Variants in PLEKHG1 observed in about 807,000 individuals in gnomAD.
PLEKHG1 encodes pleckstrin homology and RhoGEF domain containing G1.
PLEKHG1 carries 44 observed loss-of-function variants against 100.8 expected under a neutral mutation model. The ratio of observed to expected loss-of-function variants is 0.44; its 90% CI spans 0.34 to 0.56. PLEKHG1 has a LOEUF of 0.56. PLEKHG1 is among the 20% of genes least tolerant of loss of function. The pLI is 0.01. For missense variants in PLEKHG1, 1,545 were observed against 1,720.9 expected (o/e 0.90, Z 1.81); for synonymous variants, 640 against 662.5 (o/e 0.97, Z 0.52).
exon 4 of PLEKHG1, chr6:150,786,452 T>C: frequency 1.2e-6 from 2 of 1,610,594 alleles, no homozygotes; most frequent in Non-Finnish European, 1.7e-6. Flanking sequence ...GAGTGTTTTG[T>C]GTCCAAGGTA....
chr6:150,714,722 C>T (rs1315281720), intron 3 of PLEKHG1, among the ~76,000 whole-genome samples: 2 of 152,136 alleles, frequency 1.3e-5, no homozygotes, highest in Non-Finnish European at 2.9e-5. Flanking sequence ...AGATTCAGTA[C>T]CCCAGGACTA....
At chr6:150,654,403 T>TG (rs971592981) in intron 3 of PLEKHG1, among the ~76,000 whole-genome samples, 5 of 152,182 alleles carry the variant, frequency 3.3e-5, no homozygotes, top group African/African-American at 9.7e-5. Context: ...GGCCCTACTA[T>TG]GCGGCAGCGC....
intron 2 of PLEKHG1, among the ~76,000 whole-genome samples, chr6:150,754,096 C>T (rs1160580610): frequency 6.6e-6 from 1 of 152,156 alleles, no homozygotes; most frequent in Non-Finnish European, 1.5e-5. Context: ...TGCTTAAAGA[C>T]TTAGAATACC....
intron 10 of PLEKHG1, among the ~76,000 whole-genome samples, chr6:150,813,271 C>G (rs1229138677): frequency 6.8e-6 from 1 of 146,810 alleles, no homozygotes; most frequent in African/African-American, 2.5e-5. Context: ...CGCCACTGCA[C>G]TACGGCCTGG....
chr6:150,643,949 G>T (rs1244650364), intron 2 of PLEKHG1, among the ~76,000 whole-genome samples: 2 of 151,242 alleles, frequency 1.3e-5, no homozygotes, highest in East Asian at 3.9e-4. Context: ...TATCAAATTA[G>T]AAATTAAAAT....
chr6:150,624,301 C>T (rs1387142195), intron 1 of PLEKHG1, among the ~76,000 whole-genome samples: 2 of 152,160 alleles, frequency 1.3e-5, no homozygotes, highest in African/African-American at 4.8e-5. Flanking sequence ...CTGCCTATCT[C>T]TGCTTCTTGT....
chr6:150,671,672 T>C (rs1210918963), intron 3 of PLEKHG1, among the ~76,000 whole-genome samples: 1 of 152,214 alleles, frequency 6.6e-6, no homozygotes, highest in African/African-American at 2.4e-5. Flanking sequence ...AAGTATATTA[T>C]TTTAAATTGT....
intron 4 of PLEKHG1, among the ~76,000 whole-genome samples, chr6:150,789,703 A>G (rs763968291): frequency 1.3e-5 from 2 of 152,234 alleles, no homozygotes; most frequent in Non-Finnish European, 2.9e-5. Context: ...ATATTGTTCT[A>G]TTCCAGGTTG....
intron 3 of PLEKHG1, among the ~76,000 whole-genome samples, chr6:150,653,612 G>A (rs894019707): frequency 8.5e-5 from 13 of 152,182 alleles, no homozygotes; most frequent in South Asian, 2.1e-4. Flanking sequence ...TCAGCTGGAC[G>A]TGGTGGTGAG....
At chr6:150,608,607 A>G (rs1776699026) in intron 1 of PLEKHG1, among the ~76,000 whole-genome samples, 1 of 152,228 alleles carries the variant, frequency 6.6e-6, no homozygotes, top group Non-Finnish European at 1.5e-5. Flanking sequence ...CTTTAATGAG[A>G]AAATTATTAC....
chr6:150,654,839 C>G (rs1034963857), intron 3 of PLEKHG1, among the ~76,000 whole-genome samples: 2 of 152,196 alleles, frequency 1.3e-5, no homozygotes, highest in African/African-American at 4.8e-5. Flanking sequence ...TTGAGCTAGA[C>G]ATTGCTAAGA....
rs144079225 is a variant in PLEKHG1 at position 150,604,833 on chromosome 6, T to C, written c.-204+4816T>C. 2.9e-3 allele frequency among the ~76,000 whole-genome samples: 440 copies of C among 152,280 alleles called. 11 individuals carry two copies. The highest frequency in any genetic ancestry group is 0.022 in the Admixed American group (341 of 15,298). On this transcript the variant is annotated intron_variant, in intron 1 of 3. Transcript: ENST00000367326. The stretch of plus-strand genomic sequence containing the variant: ...GAAGTTGGACTGGATTGGGATAAAG[T>C]CCATGGTTGACACAGACCACAGATA...
chr6:150,759,326 ATC>A (rs1417127177), intron 2 of PLEKHG1, among the ~76,000 whole-genome samples: 1 of 152,124 alleles, frequency 6.6e-6, no homozygotes, highest in Non-Finnish European at 1.5e-5. Context: ...GCCTGTGATG[ATC>A]TTGGCAGGTG....
intron 1 of PLEKHG1, among the ~76,000 whole-genome samples, chr6:150,728,234 A>G (rs934407651): frequency 7.0e-5 from 10 of 142,032 alleles, no homozygotes; most frequent in African/African-American, 2.8e-4. Context: ...CTAGATCAGC[A>G]TTGTCTGACT....
At chr6:150,678,079 TA>T (rs1779820408) in intron 3 of PLEKHG1, among the ~76,000 whole-genome samples, 2 of 137,772 alleles carry the variant, frequency 1.5e-5, no homozygotes, top group South Asian at 2.4e-4. Flanking sequence ...TATATATATA[TA>T]TATATATATA....
intron 2 of PLEKHG1, among the ~76,000 whole-genome samples, chr6:150,761,127 A>G (rs1157817752): frequency 1.6e-5 from 2 of 122,948 alleles, no homozygotes; most frequent in African/African-American, 2.9e-5. Flanking sequence ...TTTTTTTGAG[A>G]CAAAGTCTCA....
intron 3 of PLEKHG1, among the ~76,000 whole-genome samples, chr6:150,701,883 C>T (rs1277806446): frequency 6.6e-6 from 1 of 152,110 alleles, no homozygotes; most frequent in Non-Finnish European, 1.5e-5. Flanking sequence ...CATGCATGCA[C>T]CATGATGAAT....
chr6:150,831,259 A>C lies in PLEKHG1; in HGVS notation c.2148A>C (p.Gln716His), dbSNP rs201032405. The change falls in exon 15 of 16, where the codon CAA (glutamine) becomes CAC (histidine). Residue 716 changes from glutamine (Q) to histidine (H), a missense_variant. Physicochemically the swap from Gln to His is conservative, Grantham distance 24. Coordinates refer to ENST00000358517, the Ensembl canonical transcript of PLEKHG1. The surrounding 1 kb of genome is among the most constrained non-coding windows in gnomAD (Gnocchi z 4.1). ...ACAGTAAGGGCTCTCTTTACGCACA[A>C]ACAGATGGCACCCTCTCAGGTGGAG... 2.1e-4 allele frequency: 332 copies of C among 1,614,140 alleles called. 1 individual carries two copies. Among genetic ancestry groups the C allele is most frequent in the South Asian group, 8.1e-4 (74 of 91,072 alleles).
intron 4 of PLEKHG1, among the ~76,000 whole-genome samples, chr6:150,792,822 G>A (rs1006016646): frequency 3.9e-5 from 6 of 152,258 alleles, no homozygotes; most frequent in Non-Finnish European, 8.8e-5. Flanking sequence ...AAGGAATAGG[G>A]GCTCCATGAA....
Sources: allele counts gnomAD v4.1 joint callset (sites outside exome capture counted in the v4.1 genomes callset), GRCh38; gene constraint gnomAD v4.1.1; non-coding constraint Gnocchi (gnomAD v3.1); transcripts MANE v1.5; gene names NCBI Gene and HGNC (gene_info 2026-07-23, HGNC 2026-07-21).